The following SGSM1 variants were observed in gnomAD, a reference collection of about 807,000 sequenced individuals.
The protein encoded by SGSM1 is RUN and TBC1 domain containing 2.
Under a neutral mutation model 133.8 loss-of-function variants are expected in SGSM1, and 73 were observed. The observed-to-expected ratio is 0.55, with a 90% confidence interval of 0.45 to 0.66. The LOEUF (loss-of-function observed/expected upper bound fraction) is 0.66. SGSM1 is among the 30% of genes least tolerant of loss of function. SGSM1 has a pLI of 0.00. For synonymous variants in SGSM1, 563 were observed against 573.0 expected (o/e 0.98, Z 0.25); for missense variants, 1,213 against 1,448.1 (o/e 0.84, Z 2.64).
In SGSM1 at chr22:24,917,721, T is replaced by C; in HGVS notation, c.2992T>C (p.Cys998Arg). 1.2e-6 allele frequency: 2 copies of C among 1,613,930 alleles called. No homozygotes were observed. Among genetic ancestry groups the C allele is most frequent in the Non-Finnish European group, 1.7e-6 (2 of 1,179,910 alleles). Residue 998 changes from cysteine (C) to arginine (R), a missense_variant, in exon 23 of 25, where the codon TGC becomes CGC. Coordinates refer to ENST00000400358, the MANE Select transcript of SGSM1 (RefSeq NM_001098497.3). ...QNGDYTHFYF[C>R]YRWFLLDFKR... ...CGGGGACTATACTCACTTCTACTTC[T>C]GCTACCGCTGGTTCCTGCTGGATTT...
intron 5 of SGSM1, among the ~76,000 whole-genome samples, chr22:24,851,618 C>T (rs1408349241): frequency 6.6e-6 from 1 of 152,162 alleles, no homozygotes. Flanking sequence ...AGAGAAAAGT[C>T]CCCCTTCTCA....
chr22:24,911,183 G>A (rs1037933935), intron 21 of SGSM1, among the ~76,000 whole-genome samples: 2 of 151,996 alleles, frequency 1.3e-5, no homozygotes, highest in Non-Finnish European at 2.9e-5. Flanking sequence ...GCTGCAGTGA[G>A]CCGTGATTGT....
chr22:24,887,237 T>C (rs1340523104), intron 16 of SGSM1, among the ~76,000 whole-genome samples: 1 of 152,052 alleles, frequency 6.6e-6, no homozygotes, highest in Non-Finnish European at 1.5e-5. Flanking sequence ...TGTCCTTTTA[T>C]AGCCAGACTC....
intron 2 of SGSM1, among the ~76,000 whole-genome samples, chr22:24,820,321 C>T (rs527318855): frequency 2.6e-5 from 4 of 152,204 alleles, no homozygotes; most frequent in South Asian, 2.1e-4. Flanking sequence ...GAACCCCAGC[C>T]CCAGAACACC....
chr22:24,872,703 G>A (rs893448270), intron 12 of SGSM1, among the ~76,000 whole-genome samples: 1 of 152,122 alleles, frequency 6.6e-6, no homozygotes, highest in Admixed American at 6.5e-5. Flanking sequence ...CAGATCACGA[G>A]GTCAGGAGAT....
At chr22:24,899,761 T>C (rs1445953447) in intron 19 of SGSM1, among the ~76,000 whole-genome samples, 1 of 152,108 alleles carries the variant, frequency 6.6e-6, no homozygotes, top group Non-Finnish European at 1.5e-5. Flanking sequence ...GACCTCGTGA[T>C]CTGCCTGCCT....
chr22:24,847,458 A>G (rs925196281), intron 3 of SGSM1, among the ~76,000 whole-genome samples, 176 bp from the exon 4 acceptor site: 1 of 152,158 alleles, frequency 6.6e-6, no homozygotes, highest in East Asian at 1.9e-4. Flanking sequence ...CACTTTTTCA[A>G]TAAACATTGA....
chr22:24,861,940 G>A (rs1569152751), intron 9 of SGSM1, among the ~76,000 whole-genome samples: 1 of 148,744 alleles, frequency 6.7e-6, no homozygotes, highest in East Asian at 2.0e-4. Context: ...AGAGTCTAGA[G>A]TTTCTTTCTT....
At chr22:24,898,646 C>G (rs1207917913) in intron 19 of SGSM1, 87 bp downstream of exon 19, 1 of 1,326,160 alleles carries the variant, frequency 7.5e-7, no homozygotes, top group African/African-American at 1.5e-5. Flanking sequence ...CCAGAATGAC[C>G]CCGGAGTCAG....
chr22:24,882,953 A>G (rs1486244251), intron 14 of SGSM1, among the ~76,000 whole-genome samples: 1 of 149,106 alleles, frequency 6.7e-6, no homozygotes, highest in Non-Finnish European at 1.5e-5. Flanking sequence ...GCTGGAGTGC[A>G]GTGGCGCGAT....
intron 2 of SGSM1, among the ~76,000 whole-genome samples, chr22:24,825,161 G>A (rs1158071744): frequency 2.0e-5 from 3 of 152,174 alleles, no homozygotes; most frequent in Non-Finnish European, 1.5e-5. Flanking sequence ...TCGGAGAGGG[G>A]CACCTGGCAG....
rs1471687844 is a variant in SGSM1, at chr22:24,898,378, A to G, written c.2429A>G (p.Asp810Gly). ...GSLDMALPEKDDVVMEGWRSS... is the reference protein window; with the variant it reads ...GSLDMALPEKGDVVMEGWRSS... ...CTGGACATGGCCCTGCCTGAAAAGG[A>G]CGATGTTGTGATGGAGGGCTGGAGG... is the stretch of plus-strand genomic sequence containing the variant. The change falls in exon 19 of 25, where the codon GAC (aspartate) becomes GGC (glycine). Residue 810 changes from aspartate to glycine, a missense_variant. Asp to Gly is a moderately conservative substitution (Grantham distance 94, BLOSUM62 -1). Coordinates refer to ENST00000400358, the MANE Select transcript of SGSM1 (RefSeq NM_001098497.3). 3 of 1,613,758 alleles carry G rather than the reference A, an allele frequency of 1.9e-6. No individual in the cohort carries two copies. Among genetic ancestry groups the G allele is most frequent in the Non-Finnish European group, 8.5e-7 (1 of 1,179,832 alleles).
In SGSM1 at chr22:24,855,304, G is replaced by T. The variant is rs1474445077; in HGVS notation, c.543G>T (p.Glu181Asp). 1 of 1,612,046 alleles carries T rather than the reference G, an allele frequency of 6.2e-7. No homozygotes were observed. Among genetic ancestry groups the T allele is most frequent in the Admixed American group, 1.7e-5 (1 of 59,766 alleles). Reference sequence around the variant, plus strand: ...CCTCAGTGGGGCCCTGTGCCCTAGAGTACACCAAGATGAAGACTGCAGATC... The same window carrying T: ...CCTCAGTGGGGCCCTGTGCCCTAGATTACACCAAGATGAAGACTGCAGATC... ...ASLLVGPCAL[E>D]YTKMKTADHF... The change falls in exon 7 of 25, where the codon GAG (glutamate) becomes GAT (aspartate). Residue 181 changes from glutamate (E) to aspartate (D), a missense_variant. Glu to Asp is a conservative substitution (Grantham distance 45). Coordinates refer to ENST00000400358, the MANE Select transcript of SGSM1 (RefSeq NM_001098497.3).
chr22:24,894,283 C>T (rs1932866608), intron 17 of SGSM1, among the ~76,000 whole-genome samples: 1 of 152,182 alleles, frequency 6.6e-6, no homozygotes, highest in Non-Finnish European at 1.5e-5. Flanking sequence ...ATCCCAGCTA[C>T]TTGAGAGGCC....
intron 2 of SGSM1, among the ~76,000 whole-genome samples, chr22:24,834,266 A>C (rs536653649): frequency 2.9e-4 from 44 of 152,350 alleles, no homozygotes; most frequent in African/African-American, 9.1e-4. Context: ...CGTCTGGGCC[A>C]TGACTCAGGA....
chr22:24,862,943 A>G (rs539648283), intron 9 of SGSM1, among the ~76,000 whole-genome samples: 267 of 152,248 alleles, frequency 1.8e-3, no homozygotes, highest in Admixed American at 5.9e-3. Context: ...AGCGTCTTGC[A>G]CCCAACGTCA....
At chr22:24,898,589 C>T (rs950288516) in intron 19 of SGSM1, 30 bp downstream of exon 19, 1 of 1,553,912 alleles carries the variant, frequency 6.4e-7, no homozygotes, top group South Asian at 1.2e-5. Context: ...CGTTCCATTT[C>T]CTTCTTTCCA....
intron 2 of SGSM1, among the ~76,000 whole-genome samples, chr22:24,809,009 A>G (rs1927578886): frequency 6.6e-6 from 1 of 152,174 alleles, no homozygotes. Flanking sequence ...AGATGAGAAC[A>G]CTGTGGCCCA....
At chr22:24,833,721 G>A (rs536913962) in intron 2 of SGSM1, among the ~76,000 whole-genome samples, 2 of 152,176 alleles carry the variant, frequency 1.3e-5, no homozygotes, top group South Asian at 2.1e-4. Context: ...AGCCCATAGC[G>A]ATGGGGGAGG....
Sources: allele counts gnomAD v4.1 joint callset (sites outside exome capture counted in the v4.1 genomes callset), GRCh38; gene constraint gnomAD v4.1.1; transcripts MANE v1.5; gene names NCBI Gene and HGNC (gene_info 2026-07-23, HGNC 2026-07-21).